Variants in PPL observed in about 807,000 individuals in gnomAD.
The protein encoded by PPL is 190 kDa paraneoplastic pemphigus antigen.
Under a neutral mutation model 194.4 loss-of-function variants are expected in PPL, and 198 were observed. The observed-to-expected ratio is 1.02, with a 90% CI of 0.91 to 1.15. The LOEUF (loss-of-function observed/expected upper bound fraction) is 1.15. PPL is among the 50% of genes most tolerant of loss of function. PPL has a pLI of 0.00. For synonymous variants in PPL, 1,220 were observed against 972.4 expected (o/e 1.25, Z -4.74); for missense variants, 2,885 against 2,294.8 (o/e 1.26, Z -5.25).
In PPL at chr16:4,890,802, G is replaced by A. The variant is rs1189814727; in HGVS notation, c.2088C>T (p.Asp696=). ...LASRFQEHCP[D]LERQEAEVHK... ...GCACCTCGGCCTCCTGGCGCTCCAGGTCCGGACAGTGCTCCTGGAAGCGGC... is the reference window on the plus strand; with the variant it reads ...GCACCTCGGCCTCCTGGCGCTCCAGATCCGGACAGTGCTCCTGGAAGCGGC... The change falls in exon 17 of 22, where the codon GAC becomes GAT. Residue 696 remains aspartate (D), a synonymous_variant. Transcript: ENST00000345988. 3.1e-6 allele frequency: 5 copies of A among 1,603,588 alleles called. No homozygotes were observed. Among genetic ancestry groups the A allele is most frequent in the African/African-American group, 1.3e-5 (1 of 74,892 alleles).
chr16:4,908,706 A>G (rs1192530862), intron 2 of PPL, among the ~76,000 whole-genome samples: 1 of 143,358 alleles, frequency 7.0e-6, no homozygotes, highest in African/African-American at 2.6e-5. Flanking sequence ...CACCTGGCAA[A>G]TTTTTCATAT....
intron 6 of PPL, 148 bp from the exon 7 acceptor site, chr16:4,899,532 G>A (rs1200765149): frequency 8.0e-6 from 6 of 752,734 alleles, no homozygotes; most frequent in Admixed American, 6.1e-5. Context: ...GCTTAGCCAC[G>A]TCCAGGCCAG....
intron 1 of PPL, among the ~76,000 whole-genome samples, chr16:4,922,580 T>G (rs2142411255): frequency 6.6e-6 from 1 of 152,270 alleles, no homozygotes; most frequent in African/African-American, 2.4e-5. Context: ...GAGAATCGCT[T>G]GAGCCTGGGA....
rs1462645391 is a variant in PPL, at chr16:4,903,979, A to G, written c.224T>C (p.Val75Ala). 3 of 1,613,456 alleles carry G rather than the reference A, an allele frequency of 1.9e-6. No homozygotes were observed. Among genetic ancestry groups the G allele is most frequent in the Non-Finnish European group, 2.5e-6 (3 of 1,179,952 alleles). The change falls in exon 3 of 22, where the codon GTG becomes GCG. Residue 75 changes from valine (V) to alanine (A), a missense_variant. Transcript: ENST00000345988. ...PEHRDVTLQK[V>A]LDSEKLLYVL... The stretch of plus-strand genomic sequence containing the variant: ...ATAGAGCAGCTTCTCAGAGTCCAAC[A>G]CCTTCTGCAGGGTCACGTCCCGGTG...
At chr16:4,921,066 A>G (rs2089040483) in intron 1 of PPL, among the ~76,000 whole-genome samples, 1 of 152,122 alleles carries the variant, frequency 6.6e-6, no homozygotes, top group African/African-American at 2.4e-5. Flanking sequence ...TCTACGAGTC[A>G]CCTCGAGTCG....
Position 4,895,684 on chromosome 16 carries a change from C to T in PPL, c.1005G>A (p.Leu335=). 6.2e-7 allele frequency: 1 copy of T among 1,614,014 alleles called. No individual in the cohort carries two copies. The change falls in exon 10 of 22, where the codon CTG becomes CTA. Residue 335 remains leucine, a synonymous_variant. Coordinates refer to ENST00000345988, the MANE Select transcript of PPL (RefSeq NM_002705.5). ...TCAGGTCCGAGTCCACCTTGCGCAGCAGCTCCTGAGCGTCCTTCACGTCTT... is the reference window on the plus strand; with the variant it reads ...TCAGGTCCGAGTCCACCTTGCGCAGTAGCTCCTGAGCGTCCTTCACGTCTT... The part of the protein sequence containing the change: ...FHEDVKDAQE[L]LRKVDSDLNQ...
intron 2 of PPL, among the ~76,000 whole-genome samples, chr16:4,909,678 C>T (rs1289692414): frequency 3.3e-5 from 5 of 152,074 alleles, no homozygotes; most frequent in Admixed American, 6.6e-5. Context: ...CTACCCACCT[C>T]GGCCTCCCAA....
At chr16:4,933,583 T>C (rs990829012) in intron 1 of PPL, among the ~76,000 whole-genome samples, 4 of 152,296 alleles carry the variant, frequency 2.6e-5, no homozygotes, top group Admixed American at 2.6e-4. Flanking sequence ...AACTCTCACT[T>C]GAGGCCTGTC....
rs751907357 is a variant in PPL at position 4,885,500 on chromosome 16, A to G, written c.3155T>C (p.Val1052Ala). Residue 1052 changes from valine (V) to alanine (A), a missense_variant, in exon 22 of 22, where the codon GTC becomes GCC. Transcript: ENST00000345988. This position sits in a 1 kb window ranked among gnomAD's most constrained non-coding sequence, Gnocchi z 6.3. ...CAGTTTCACCACCTCTTTCTCTGTGACCTTCTCCTGCGCCCGGCTCTTCTC... is the reference window on the plus strand; with the variant it reads ...CAGTTTCACCACCTCTTTCTCTGTGGCCTTCTCCTGCGCCCGGCTCTTCTC... The part of the protein sequence containing the change: ...AEEKSRAQEK[V>A]TEKEVVKLQN... The G allele has an allele frequency of 1.2e-6, 2 of 1,610,930 alleles. No individual in the cohort carries two copies. The highest frequency in any genetic ancestry group is 1.7e-6 in the Non-Finnish European group (2 of 1,179,722).
intron 1 of PPL, among the ~76,000 whole-genome samples, chr16:4,914,704 G>C (rs1028890516): frequency 6.6e-6 from 1 of 152,186 alleles, no homozygotes; most frequent in Admixed American, 6.5e-5. Flanking sequence ...GCCAGCAAAG[G>C]CACTGACAAG....
chr16:4,895,694 G>C lies in PPL; in HGVS notation c.995C>G (p.Ala332Gly), dbSNP rs1238457020. 1 of 1,613,976 alleles carries C rather than the reference G, an allele frequency of 6.2e-7. No individual in the cohort carries two copies. Among genetic ancestry groups the C allele is most frequent in the Non-Finnish European group, 8.5e-7 (1 of 1,180,032 alleles). ...GTCCACCTTGCGCAGCAGCTCCTGA[G>C]CGTCCTTCACGTCTTCGTGAAACTA... The part of the protein sequence containing the change: ...YHQFHEDVKD[A>G]QELLRKVDSD... The change falls in exon 10 of 22, where the codon GCT (alanine) becomes GGT (glycine). Residue 332 changes from alanine (A) to glycine (G), a missense_variant. Ala to Gly is a moderately conservative substitution (Grantham distance 60, BLOSUM62 0). Coordinates refer to ENST00000345988, the MANE Select transcript of PPL (RefSeq NM_002705.5).
In PPL at chr16:4,885,103, C is replaced by T. The variant is rs370446525; in HGVS notation, c.3552G>A (p.Ala1184=). 341 of 1,613,852 alleles carry T rather than the reference C, an allele frequency of 2.1e-4. No individual in the cohort carries two copies. Among genetic ancestry groups the T allele is most frequent in the Non-Finnish European group, 2.6e-4 (311 of 1,180,028 alleles). The change falls in exon 22 of 22, where the codon GCG becomes GCA. Residue 1184 remains alanine (A), a synonymous_variant. Coordinates refer to ENST00000345988, the MANE Select transcript of PPL (RefSeq NM_002705.5). The surrounding 1 kb of genome is among the most constrained non-coding windows in gnomAD (Gnocchi z 6.3). The stretch of plus-strand genomic sequence containing the variant: ...GGCGGAGGTTCGCCACTTCACTTTC[C>T]GCCTTGGGGTCTGGCCGCACGATCT... ...VREIVRPDPK[A]ESEVANLRLE... is the part of the protein sequence containing the mutation.
intron 2 of PPL, among the ~76,000 whole-genome samples, chr16:4,909,424 C>CTTTTT (rs199792362): frequency 1.1e-4 from 13 of 118,228 alleles, no homozygotes; most frequent in African/African-American, 4.3e-4. Context: ...CTGGTCCCAC[C>CTTTTT]TTTTTTTTTT....
rs779601987 is a variant in PPL, at chr16:4,891,941, A to G, written c.1838T>C (p.Val613Ala). ...LLDLAQEKVD[V>A]ANRLEKSLQQ... ...CAGGCTCTTCTCCAGGCGGTTGGCC[A>G]CATCAACCCTGAGAGCACCAATCAG... is the stretch of plus-strand genomic sequence containing the variant. The change falls in exon 16 of 22, where the codon GTG (valine) becomes GCG (alanine). Residue 613 changes from valine to alanine, a missense_variant. By Grantham distance (64) the Val-to-Ala change is moderately conservative (BLOSUM62 0). Transcript: ENST00000345988. The G allele has an allele frequency of 1.9e-6, 3 of 1,612,872 alleles. No individual in the cohort carries two copies. Among genetic ancestry groups the G allele is most frequent in the South Asian group, 2.2e-5 (2 of 90,966 alleles).
Position 4,883,393 on chromosome 16 carries a change from C to G in PPL, c.5262G>C (p.Gly1754=). ...GTTGCAAGAGCTGTGCCTACTTCTG[C>G]CCAGATACCAAGACCGCCAGCTCCT... The part of the protein sequence containing the change: ...SIQELAVLVS[G]QK Residue 1754 remains glycine, a synonymous_variant, in exon 22 of 22, where the codon GGG becomes GGC. Transcript: ENST00000345988. The surrounding 1 kb of genome is among the most constrained non-coding windows in gnomAD (Gnocchi z 4.8). 1 of 1,614,038 alleles carries G rather than the reference C, an allele frequency of 6.2e-7. No individual in the cohort carries two copies. The highest frequency in any genetic ancestry group is 8.5e-7 in the Non-Finnish European group (1 of 1,180,026).
chr16:4,920,765 C>G (rs527347698), intron 1 of PPL, among the ~76,000 whole-genome samples: 1 of 152,076 alleles, frequency 6.6e-6, no homozygotes. Flanking sequence ...TCGGCCTCAA[C>G]TAATTTTTTA....
rs780817780 is a variant in PPL at position 4,885,983 on chromosome 16, T to G, written c.2672A>C (p.Glu891Ala). 18 of 1,613,564 alleles carry G rather than the reference T, an allele frequency of 1.1e-5. No homozygotes were observed. Among genetic ancestry groups the G allele is most frequent in the Non-Finnish European group, 1.4e-5 (17 of 1,180,012 alleles). The stretch of plus-strand genomic sequence containing the variant: ...CAGTTCCTTCCTGATCTTCCACGCC[T>G]CCTCCACTCCAGAGTCCGGCCTATT... Reference protein sequence around the residue: ...QRNRPDSGVEEAWKIRKELDE... With the variant: ...QRNRPDSGVEAAWKIRKELDE... The change falls in exon 22 of 22, where the codon GAG becomes GCG. Residue 891 changes from glutamate (E) to alanine (A), a missense_variant. Physicochemically the swap from Glu to Ala is moderately radical, Grantham distance 107. Transcript: ENST00000345988. The surrounding 1 kb of genome is among the most constrained non-coding windows in gnomAD (Gnocchi z 6.3).
chr16:4,902,350 G>A lies in PPL; in HGVS notation c.438+56C>T, dbSNP rs913835537. The A allele has an allele frequency of 2.1e-5, 33 of 1,603,374 alleles. No individual in the cohort carries two copies. Among genetic ancestry groups the A allele is most frequent in the Middle Eastern group, 1.7e-4 (1 of 6,026 alleles). On this transcript the variant is annotated intron_variant, in intron 4 of 21. Transcript: ENST00000345988. The surrounding 1 kb of genome is among the most constrained non-coding windows in gnomAD (Gnocchi z 4.0). Reference sequence around the variant, plus strand: ...ACATGGGTAGGCTCTCCCTGCACACGCACAGCCCCCTCCCCAGCTGAAACC... The same window carrying A: ...ACATGGGTAGGCTCTCCCTGCACACACACAGCCCCCTCCCCAGCTGAAACC...
In PPL at chr16:4,883,599, C is replaced by G; in HGVS notation, c.5056G>C (p.Val1686Leu). The change falls in exon 22 of 22, where the codon GTG (valine) becomes CTG (leucine). Residue 1686 changes from valine to leucine, a missense_variant. Transcript: ENST00000345988. This position sits in a 1 kb window ranked among gnomAD's most constrained non-coding sequence, Gnocchi z 4.8. Reference protein sequence around the residue: ...RAGLIDWNMFVKLRSQECDWE... With the variant: ...RAGLIDWNMFLKLRSQECDWE... ...TCGCACTCCTGGCTTCTGAGTTTCACGAACATGTTCCAGTCAATGAGCCCG... is the reference window on the plus strand; with the variant it reads ...TCGCACTCCTGGCTTCTGAGTTTCAGGAACATGTTCCAGTCAATGAGCCCG... 1.2e-6 allele frequency: 2 copies of G among 1,614,180 alleles called. No homozygotes were observed. The highest frequency in any genetic ancestry group is 1.7e-6 in the Non-Finnish European group (2 of 1,180,020).
Sources: allele counts gnomAD v4.1 joint callset (sites outside exome capture counted in the v4.1 genomes callset), GRCh38; gene constraint gnomAD v4.1.1; non-coding constraint Gnocchi (gnomAD v3.1); transcripts MANE v1.5; gene names NCBI Gene and HGNC (gene_info 2026-07-23, HGNC 2026-07-21).